ADGRE3: variants seen among roughly 807,000 people sequenced by gnomAD.
The protein encoded by ADGRE3 is adhesion G protein-coupled receptor E3.
ADGRE3 carries 88 observed loss-of-function variants against 80.1 expected under a neutral mutation model. The ratio of observed to expected loss-of-function variants is 1.10; its 90% CI spans 0.93 to 1.31. The LOEUF (loss-of-function observed/expected upper bound fraction) is 1.31. Ranked by LOEUF, ADGRE3 falls within the 40% of genes most tolerant of loss-of-function variation. The probability of loss-of-function intolerance (pLI) is 0.00; values close to 1 mark genes in which losing one functional copy is unlikely to be tolerated. For synonymous variants in ADGRE3, 281 were observed against 294.8 expected (o/e 0.95, Z 0.48); for missense variants, 715 against 776.5 (o/e 0.92, Z 0.94).
Position 14,663,412 on chromosome 19 carries a change from C to A in ADGRE3, c.199+6G>T. ...ATAATAATAAAAAATAATAATACTT[C>A]TTTACCGTTACATGTCTCCAAGGGG... On this transcript the variant is annotated splice_donor_region_variant and intron_variant, in intron 3 of 15. Transcript: ENST00000253673. The A allele has an allele frequency of 6.5e-7, 1 of 1,548,162 alleles. No individual in the cohort carries two copies. The highest frequency in any genetic ancestry group is 8.8e-7 in the Non-Finnish European group (1 of 1,137,116).
At chr19:14,649,033 T>C (rs1473041850) in intron 7 of ADGRE3, among the ~76,000 whole-genome samples, 1 of 149,546 alleles carries the variant, frequency 6.7e-6, no homozygotes, top group African/African-American at 2.5e-5. Flanking sequence ...CATCTCTCTC[T>C]TTCCATATAT....
intron 9 of ADGRE3, among the ~76,000 whole-genome samples, chr19:14,642,918 T>C (rs1393856895): frequency 6.6e-6 from 1 of 152,182 alleles, no homozygotes; most frequent in African/African-American, 2.4e-5. Context: ...TATGATAGAA[T>C]GATTTATATT....
In ADGRE3 at chr19:14,656,779, C is replaced by T. The variant is rs143998753; in HGVS notation, c.394-1614G>A. On this transcript the variant is annotated intron_variant, in intron 5 of 15. Coordinates refer to ENST00000253673, the MANE Select transcript of ADGRE3 (RefSeq NM_032571.5). ...CCGCAGCTTGATTTTACAGGCTGCTCTTTGTTAGAAAAGAAAATTTGGGGC... is the reference window on the plus strand; with the variant it reads ...CCGCAGCTTGATTTTACAGGCTGCTTTTTGTTAGAAAAGAAAATTTGGGGC... 1.8e-3 allele frequency among the ~76,000 whole-genome samples: 277 copies of T among 152,278 alleles called. 1 individual carries two copies. Among genetic ancestry groups the T allele is most frequent in the African/African-American group, 5.8e-3 (241 of 41,570 alleles).
chr19:14,633,708 AAAAATAAAATAAAATAAAAT>A (rs371090073), intron 11 of ADGRE3, among the ~76,000 whole-genome samples: 2 of 123,720 alleles, frequency 1.6e-5, no homozygotes, highest in Admixed American at 9.2e-5. Flanking sequence ...CCGTCTCAAA[AAAAATAAAATAAAATAAAAT>A]AAAATAAAAT....
chr19:14,627,987 G>A (rs1368099401), intron 14 of ADGRE3, among the ~76,000 whole-genome samples: 1 of 151,776 alleles, frequency 6.6e-6, no homozygotes, highest in African/African-American at 2.4e-5. Flanking sequence ...AATTAGCTGG[G>A]TGTGGAGGTG....
intron 5 of ADGRE3, among the ~76,000 whole-genome samples, chr19:14,656,883 T>C (rs1971781284): frequency 6.6e-6 from 1 of 152,290 alleles, no homozygotes; most frequent in Non-Finnish European, 1.5e-5. Flanking sequence ...TCTTAACTCC[T>C]ATATCATTGT....
intron 2 of ADGRE3, among the ~76,000 whole-genome samples, chr19:14,664,282 A>G (rs1972032637): frequency 6.6e-6 from 1 of 151,912 alleles, no homozygotes; most frequent in Non-Finnish European, 1.5e-5. Context: ...TACTGAAAAT[A>G]CAAAATTAGC....
downstream of ADGRE3, among the ~76,000 whole-genome samples, chr19:14,617,341 C>CCTCCCTCTCTTT: frequency 7.8e-3 from 445 of 57,260 alleles, 7 homozygotes; most frequent in African/African-American, 0.019. Flanking sequence ...TCCCTCCCTC[C>CCTCCCTCTCTTT]CTTTCTTTCT....
chr19:14,607,041 C>T, the ADGRE3 span: 1 of 1,349,676 alleles, frequency 7.4e-7, no homozygotes, highest in Non-Finnish European at 9.6e-7. Flanking sequence ...CTGGCTGGGG[C>T]TGAATGACAG....
At chr19:14,617,006 G>A (rs1193227007), downstream of ADGRE3, among the ~76,000 whole-genome samples, 2 of 150,354 alleles carry the variant, frequency 1.3e-5, no homozygotes, top group African/African-American at 4.9e-5. Context: ...TGTTGGTCAG[G>A]CTGGTCTCGA....
chr19:14,642,843 A>G lies in ADGRE3; in HGVS notation c.1051-1227T>C, dbSNP rs2146844310. On this transcript the variant is annotated intron_variant, in intron 9 of 15. Transcript: ENST00000253673. Reference sequence around the variant, plus strand: ...TCCAGTCTACCATTGATGGGCATTTAGGTTGATTCTATGTCTCTGCTATTG... The same window carrying G: ...TCCAGTCTACCATTGATGGGCATTTGGGTTGATTCTATGTCTCTGCTATTG... Among the ~76,000 whole-genome samples, 2 of 152,108 alleles carry G rather than the reference A, an allele frequency of 1.3e-5. 1 individual carries two copies. The highest frequency in any genetic ancestry group is 2.9e-5 in the Non-Finnish European group (2 of 68,020).
intron 15 of ADGRE3, among the ~76,000 whole-genome samples, chr19:14,621,176 T>A (rs66641859): frequency 2.0e-5 from 3 of 151,402 alleles, no homozygotes; most frequent in Admixed American, 2.0e-4. Context: ...CCTGCCACCA[T>A]GCCCAGTGGC....
chr19:14,650,973 A>T, intron 7 of ADGRE3, 112 bp downstream of exon 7: 6 of 1,042,346 alleles, frequency 5.8e-6, no homozygotes, highest in Non-Finnish European at 7.0e-6. Context: ...CCAATATCGT[A>T]GTTTGAGGGT....
the ADGRE3 span, among the ~76,000 whole-genome samples, chr19:14,607,464 A>C: frequency 6.6e-6 from 1 of 151,588 alleles, no homozygotes; most frequent in South Asian, 2.1e-4. Flanking sequence ...TGGCCTCCCA[A>C]AGTGCTGGGA....
At chr19:14,640,463 G>T (rs1359297727) in intron 10 of ADGRE3, among the ~76,000 whole-genome samples, 1 of 151,924 alleles carries the variant, frequency 6.6e-6, no homozygotes, top group East Asian at 1.9e-4. Context: ...CTAATATTTT[G>T]TATTTTTAGT....
intron 8 of ADGRE3, 50 bp from the exon 9 acceptor site, chr19:14,644,325 C>T (rs997362953): frequency 4.7e-5 from 49 of 1,040,048 alleles, no homozygotes; most frequent in South Asian, 2.3e-4. Flanking sequence ...TTCTTTCTTT[C>T]TTTTTTTTTT....
chr19:14,660,185 C>T (rs920927909), intron 4 of ADGRE3, among the ~76,000 whole-genome samples: 7 of 152,080 alleles, frequency 4.6e-5, no homozygotes, highest in South Asian at 2.1e-4. Flanking sequence ...TATAAAAGGA[C>T]GGTGCAGACC....
At chr19:14,669,631 G>C (rs1427709843) in intron 1 of ADGRE3, among the ~76,000 whole-genome samples, 1 of 152,050 alleles carries the variant, frequency 6.6e-6, no homozygotes. Flanking sequence ...TTGGATTACA[G>C]GCACTCACTA....
chr19:14,617,325 C>A (rs1174697436), downstream of ADGRE3, among the ~76,000 whole-genome samples: 2 of 62,684 alleles, frequency 3.2e-5, no homozygotes, highest in African/African-American at 5.3e-5. Context: ...CCCTTGCTTC[C>A]CTCCCTCCCT....
Sources: gnomAD v4.1 joint callset for allele counts (sites outside exome capture counted in the v4.1 genomes callset) on GRCh38, gnomAD v4.1.1 for gene constraint, MANE v1.5 for transcripts, NCBI Gene and HGNC (gene_info 2026-07-23, HGNC 2026-07-21) for gene names.